The following SERPINI1 variants were observed in gnomAD, a reference collection of about 807,000 sequenced individuals.
SERPINI1 encodes the protein serpin family I member 1.
In SERPINI1, 19 loss-of-function variants were observed where a neutral mutation model predicts 41.1. That is an observed-to-expected ratio of 0.46 (90% CI 0.32 to 0.68). The LOEUF is 0.68. SERPINI1 is among the 30% of genes least tolerant of loss of function. The probability of loss-of-function intolerance (pLI) is 0.03; values close to 1 mark genes in which losing one functional copy is unlikely to be tolerated. For missense variants in SERPINI1, 460 were observed against 479.2 expected, an observed-to-expected ratio of 0.96 and a Z score of 0.37; for synonymous variants, 138 against 156.6, an observed-to-expected ratio of 0.88 and a Z score of 0.89.
intron 1 of SERPINI1, among the ~76,000 whole-genome samples, chr3:167,764,995 C>T (rs1726512986): frequency 1.3e-5 from 2 of 152,198 alleles, no homozygotes; most frequent in Admixed American, 1.3e-4. Context: ...CAGCTCCACC[C>T]CTGTGACTTT....
At chr3:167,804,071 T>C (rs984740005) in intron 5 of SERPINI1, among the ~76,000 whole-genome samples, 2 of 152,216 alleles carry the variant, frequency 1.3e-5, no homozygotes, top group African/African-American at 4.8e-5. Context: ...CATTCTGTAT[T>C]TTCTTACTCA....
At chr3:167,814,661 G>T (rs1712010011) in intron 6 of SERPINI1, among the ~76,000 whole-genome samples, 1 of 152,156 alleles carries the variant, frequency 6.6e-6, no homozygotes, top group Non-Finnish European at 1.5e-5. Context: ...TAGAGCCTTT[G>T]GTGCCCTGCA....
At chr3:167,790,097 A>G (rs137991917) in intron 2 of SERPINI1, among the ~76,000 whole-genome samples, 70 of 152,336 alleles carry the variant, frequency 4.6e-4, no homozygotes, top group African/African-American at 1.5e-3. Flanking sequence ...AAAGTAACCT[A>G]GTAATTTGGA....
chr3:167,810,674 G>A (rs1711843880), intron 6 of SERPINI1, among the ~76,000 whole-genome samples: 1 of 152,166 alleles, frequency 6.6e-6, no homozygotes, highest in Non-Finnish European at 1.5e-5. Context: ...GTTGCTGAAG[G>A]ATGGAGTGGC....
rs56401913 is a variant in SERPINI1 at position 167,793,838 on chromosome 3, A to ATGTGTGTG, written c.677-756_677-749dup. Among the ~76,000 whole-genome samples, 1,356 of 141,288 alleles carry ATGTGTGTG rather than the reference A, an allele frequency of 9.6e-3. 12 individuals are homozygous for ATGTGTGTG. Among genetic ancestry groups the ATGTGTGTG allele is most frequent in the African/African-American group, 0.011 (398 of 37,524 alleles). 92.7% of individuals were successfully genotyped at this position (141,288 alleles called of 152,430 possible). ...TATATAGTTCATTTTGGCCATATGTATGTGTGTGTGTGTGTGTGTGTGTGT... is the reference window on the plus strand; with the variant it reads ...TATATAGTTCATTTTGGCCATATGTATGTGTGTGTGTGTGTGTGTGTGTGTGTGTGTGT... On this transcript the variant is annotated intron_variant, in intron 4 of 8. Transcript: ENST00000446050.
intron 1 of SERPINI1, among the ~76,000 whole-genome samples, chr3:167,788,708 A>G (rs1253623433): frequency 6.6e-6 from 1 of 152,224 alleles, no homozygotes; most frequent in Non-Finnish European, 1.5e-5. Flanking sequence ...GTGCAGTGAC[A>G]TTTTCAAATG....
chr3:167,784,520 A>G (rs1457508338), intron 1 of SERPINI1, among the ~76,000 whole-genome samples: 1 of 152,176 alleles, frequency 6.6e-6, no homozygotes, highest in African/African-American at 2.4e-5. Flanking sequence ...TTATAAAGGA[A>G]AGAGGTTTAA....
At chr3:167,783,115 T>C (rs1241669747) in intron 1 of SERPINI1, among the ~76,000 whole-genome samples, 5 of 152,108 alleles carry the variant, frequency 3.3e-5, no homozygotes, top group African/African-American at 4.8e-5. Context: ...ATATGTTGGA[T>C]TGAAGAGGCC....
intron 5 of SERPINI1, among the ~76,000 whole-genome samples, chr3:167,798,951 G>C (rs1460336155): frequency 6.6e-6 from 1 of 152,144 alleles, no homozygotes; most frequent in Non-Finnish European, 1.5e-5. Flanking sequence ...ATATACCCAT[G>C]TAACAAACCT....
At chr3:167,786,908 T>G (rs1208437656) in intron 1 of SERPINI1, among the ~76,000 whole-genome samples, 1 of 152,214 alleles carries the variant, frequency 6.6e-6, no homozygotes, top group African/African-American at 2.4e-5. Context: ...CTTCTACCCA[T>G]GCAAGCTGTG....
intron 1 of SERPINI1, among the ~76,000 whole-genome samples, chr3:167,773,041 A>G (rs1726844455): frequency 6.6e-6 from 1 of 150,378 alleles, no homozygotes; most frequent in Non-Finnish European, 1.5e-5. Flanking sequence ...GGTAGTGCTT[A>G]AGACAAGAAG....
chr3:167,759,400 G>GTGTATA (rs964402772), intron 1 of SERPINI1, among the ~76,000 whole-genome samples: 5 of 121,118 alleles, frequency 4.1e-5, no homozygotes, highest in African/African-American at 1.2e-4. Context: ...AGAAAATGTG[G>GTGTATA]TATATATATA....
At chr3:167,815,002 A>G (rs897235706) in intron 6 of SERPINI1, among the ~76,000 whole-genome samples, 2 of 152,220 alleles carry the variant, frequency 1.3e-5, no homozygotes, top group Admixed American at 6.5e-5. Flanking sequence ...TCTCTAACCA[A>G]CAAGACAAGC....
At chr3:167,752,387 A>C (rs75151159) in intron 1 of SERPINI1, among the ~76,000 whole-genome samples, 1 of 152,142 alleles carries the variant, frequency 6.6e-6, no homozygotes, top group Non-Finnish European at 1.5e-5. Context: ...AGCCTTCTCC[A>C]TCTTAATGAA....
intron 1 of SERPINI1, among the ~76,000 whole-genome samples, chr3:167,737,882 C>G (rs992823687): frequency 2.0e-5 from 3 of 151,992 alleles, no homozygotes; most frequent in Non-Finnish European, 4.4e-5. Context: ...TATTAAAGTA[C>G]TGATTTTTTT....
chr3:167,752,171 C>G (rs930299775), intron 1 of SERPINI1, among the ~76,000 whole-genome samples: 1 of 152,150 alleles, frequency 6.6e-6, no homozygotes, highest in African/African-American at 2.4e-5. Flanking sequence ...TAGGGCACCT[C>G]TTCTCCACAC....
chr3:167,772,980 A>ATATATATGTG (rs1560002820), intron 1 of SERPINI1, among the ~76,000 whole-genome samples: 1 of 126,062 alleles, frequency 7.9e-6, no homozygotes, highest in African/African-American at 3.3e-5. Context: ...ATATATATGT[A>ATATATATGTG]TATATATATA....
chr3:167,818,782 A>C (rs1415469433), intron 6 of SERPINI1, among the ~76,000 whole-genome samples: 1 of 152,230 alleles, frequency 6.6e-6, no homozygotes, highest in East Asian at 1.9e-4. Context: ...TTTGGGACAC[A>C]GGCTAGTAAT....
At chr3:167,811,668 G>A (rs2108569582) in intron 6 of SERPINI1, among the ~76,000 whole-genome samples, 1 of 135,690 alleles carries the variant, frequency 7.4e-6, no homozygotes, top group East Asian at 3.2e-4. Context: ...CCTTGTATAT[G>A]TATTGCTTTT....
Sources: allele counts gnomAD v4.1 joint callset (sites outside exome capture counted in the v4.1 genomes callset), GRCh38; gene constraint gnomAD v4.1.1; transcripts MANE v1.5; gene names NCBI Gene and HGNC (gene_info 2026-07-23, HGNC 2026-07-21).